The following MSL2 variants were observed in gnomAD, a reference collection of about 807,000 sequenced individuals.
MSL2 encodes E3 ubiquitin-protein ligase MSL2.
In MSL2, 2 loss-of-function variants were observed where a neutral mutation model predicts 35.8. That is an observed-to-expected ratio of 0.06 (90% CI 0.02 to 0.18). MSL2 has a LOEUF of 0.18. Ranked by LOEUF, MSL2 falls within the 10% of genes least tolerant of loss-of-function variation. The probability of loss-of-function intolerance (pLI) is 1.00; values close to 1 mark genes in which losing one functional copy is unlikely to be tolerated. For missense variants in MSL2, 523 were observed against 706.7 expected (o/e 0.74, Z 2.95); for synonymous variants, 296 against 255.7 (o/e 1.16, Z -1.50).
chr3:136,163,902 T>C (rs1439541751), intron 1 of MSL2, among the ~76,000 whole-genome samples: 1 of 152,200 alleles, frequency 6.6e-6, no homozygotes, highest in Non-Finnish European at 1.5e-5. Flanking sequence ...TCCACCAAGA[T>C]TGTTAAGTTC....
intron 1 of MSL2, among the ~76,000 whole-genome samples, chr3:136,193,915 A>C (rs1005348822): frequency 2.6e-5 from 4 of 152,204 alleles, no homozygotes; most frequent in Non-Finnish European, 5.9e-5. Context: ...GTCTTGCTTC[A>C]GGATCTAGAT....
At chr3:136,184,560 A>C (rs1940459355) in intron 1 of MSL2, among the ~76,000 whole-genome samples, 1 of 151,966 alleles carries the variant, frequency 6.6e-6, no homozygotes, top group Non-Finnish European at 1.5e-5. Flanking sequence ...CCGAGATCCC[A>C]CCATTGCACT....
At chr3:136,181,647 G>A (rs938872682) in intron 1 of MSL2, among the ~76,000 whole-genome samples, 4 of 152,072 alleles carry the variant, frequency 2.6e-5, no homozygotes, top group Admixed American at 6.6e-5. Flanking sequence ...GGCCGGGCGC[G>A]GTGGTTCACA....
At chr3:136,162,028 C>T (rs1461267765) in intron 1 of MSL2, among the ~76,000 whole-genome samples, 1 of 151,772 alleles carries the variant, frequency 6.6e-6, no homozygotes, top group Non-Finnish European at 1.5e-5. Context: ...ACCTCTGCCT[C>T]CTGGGTTCAA....
intron 1 of MSL2, among the ~76,000 whole-genome samples, chr3:136,183,271 T>C (rs756475609): frequency 5.9e-5 from 9 of 152,108 alleles, no homozygotes; most frequent in Admixed American, 6.5e-5. Context: ...GAAATTTATA[T>C]TAAGCCAAAT....
At chr3:136,163,468 T>A (rs766398898) in intron 1 of MSL2, among the ~76,000 whole-genome samples, 25 of 152,194 alleles carry the variant, frequency 1.6e-4, no homozygotes, top group Non-Finnish European at 2.8e-4. Flanking sequence ...CAATTTCCTT[T>A]TCAAAGGAAT....
chr3:136,172,972 T>A (rs369215698), intron 1 of MSL2, among the ~76,000 whole-genome samples: 2 of 152,110 alleles, frequency 1.3e-5, no homozygotes, highest in African/African-American at 4.8e-5. Context: ...AAGACCTGAC[T>A]GTCCAACATG....
chr3:136,155,582 C>G lies in MSL2; in HGVS notation c.143-2844G>C, dbSNP rs1939495418. ...AGGGAGACCTGGCCTTCAGAGATGA[C>G]AGCATTCAACCCCAAGAGGAGCCTG... On this transcript the variant is annotated intron_variant, in intron 1 of 1. Coordinates refer to ENST00000309993, the MANE Select transcript of MSL2 (RefSeq NM_018133.4). 11 of 308,688 alleles carry G rather than the reference C, an allele frequency of 3.6e-5. No individual in the cohort carries two copies. The South Asian group carries it at 3.8e-4, about 11-fold the overall frequency. 19.1% of individuals were successfully genotyped at this position (308,688 alleles called of 1,614,324 possible).
At chr3:136,163,791 A>C (rs1939770176) in intron 1 of MSL2, among the ~76,000 whole-genome samples, 1 of 152,186 alleles carries the variant, frequency 6.6e-6, no homozygotes, top group African/African-American at 2.4e-5. Flanking sequence ...ATCAGTTCTC[A>C]GGAGATCTGA....
chr3:136,159,322 CAGATGATTCAATGGGGAAAGGAG>C (rs1939628249), intron 1 of MSL2, among the ~76,000 whole-genome samples: 2 of 148,776 alleles, frequency 1.3e-5, no homozygotes, highest in African/African-American at 5.0e-5. Flanking sequence ...ACAGGGTATC[CAGATGATTCAATGGGGAAAGGAG>C]AGTACTTTCT....
intron 1 of MSL2, among the ~76,000 whole-genome samples, chr3:136,153,647 G>A (rs538468588): frequency 1.1e-4 from 17 of 151,780 alleles, no homozygotes; most frequent in African/African-American, 3.4e-4. Context: ...AAAATTAACC[G>A]GGCATGGTGG....
chr3:136,188,844 A>T (rs944261363), intron 1 of MSL2, among the ~76,000 whole-genome samples: 1 of 151,848 alleles, frequency 6.6e-6, no homozygotes, highest in Non-Finnish European at 1.5e-5. Flanking sequence ...CTACAGTACC[A>T]TACTGCCTGC....
chr3:136,153,229 GTC>G (rs1485419769), intron 1 of MSL2, among the ~76,000 whole-genome samples: 3 of 152,126 alleles, frequency 2.0e-5, no homozygotes, highest in Non-Finnish European at 4.4e-5. Flanking sequence ...GCGAGACCCT[GTC>G]TCAAAAACAA....
Position 136,151,115 on chromosome 3 carries a change from C to A in MSL2, c.*32G>T. The A allele has an allele frequency of 6.3e-7, 1 of 1,592,418 alleles. No homozygotes were observed. The highest frequency in any genetic ancestry group is 1.1e-5 in the South Asian group (1 of 89,124). ...CTGCCGTAAAACTGTAGCTATTTCC[C>A]TACCAGGAGTAGGTTTAAAAGACCC... On this transcript the variant is annotated 3_prime_UTR_variant, in exon 2 of 2. Coordinates refer to ENST00000309993, the MANE Select transcript of MSL2 (RefSeq NM_018133.4). The surrounding 1 kb of genome is among the most constrained non-coding windows in gnomAD (Gnocchi z 5.2).
intron 1 of MSL2, among the ~76,000 whole-genome samples, chr3:136,157,482 ACAGAGC>A: frequency 1.3e-5 from 2 of 152,338 alleles, no homozygotes; most frequent in East Asian, 3.9e-4. Flanking sequence ...AGCCTGGGCG[ACAGAGC>A]CAGACTCCAA....
chr3:136,178,038 C>T (rs960624782), intron 1 of MSL2, among the ~76,000 whole-genome samples: 34 of 152,058 alleles, frequency 2.2e-4, no homozygotes, highest in Admixed American at 1.9e-3. Flanking sequence ...TACCATTAAA[C>T]AAAGACTCAT....
At chr3:136,188,784 C>A (rs1430961609) in intron 1 of MSL2, among the ~76,000 whole-genome samples, 1 of 151,360 alleles carries the variant, frequency 6.6e-6, no homozygotes, top group Non-Finnish European at 1.5e-5. Context: ...CAGCTCAAGC[C>A]CCACACCTAC....
intron 1 of MSL2, among the ~76,000 whole-genome samples, chr3:136,154,027 G>A (rs1559956383): frequency 6.6e-6 from 1 of 151,254 alleles, no homozygotes; most frequent in South Asian, 2.1e-4. Context: ...AGGTTGCAGC[G>A]AGCTGAGATT....
chr3:136,162,536 C>T (rs771829359), intron 1 of MSL2, among the ~76,000 whole-genome samples: 7 of 151,996 alleles, frequency 4.6e-5, no homozygotes, highest in African/African-American at 7.3e-5. Flanking sequence ...GCCGAGATTG[C>T]GCCACTGCGG....
Sources: allele counts gnomAD v4.1 joint callset (sites outside exome capture counted in the v4.1 genomes callset), GRCh38; gene constraint gnomAD v4.1.1; non-coding constraint Gnocchi (gnomAD v3.1); transcripts MANE v1.5; gene names NCBI Gene and HGNC (gene_info 2026-07-23, HGNC 2026-07-21).